Variants in OPCML observed in about 807,000 individuals in gnomAD.
OPCML encodes opioid binding protein/cell adhesion molecule like, also known as opioid-binding protein/cell adhesion molecule.
Under a neutral mutation model 37.8 loss-of-function variants are expected in OPCML, and 13 were observed. The ratio of observed to expected loss-of-function variants is 0.34; its 90% CI spans 0.22 to 0.55. The LOEUF (loss-of-function observed/expected upper bound fraction) is 0.55. OPCML is among the 20% of genes least tolerant of loss of function. The pLI is 0.91. For missense variants in OPCML, 341 were observed against 435.6 expected, an observed-to-expected ratio of 0.78 and a Z score of 1.93; for synonymous variants, 176 against 168.8, an observed-to-expected ratio of 1.04 and a Z score of -0.33.
At chr11:133,325,965 G>A (rs1159321934) in intron 1 of OPCML, among the ~76,000 whole-genome samples, 1 of 152,072 alleles carries the variant, frequency 6.6e-6, no homozygotes, top group Admixed American at 6.6e-5. Flanking sequence ...AGAACGGAAG[G>A]CCTTGCTCTT....
chr11:132,957,178 C>T (rs546782848), intron 1 of OPCML, among the ~76,000 whole-genome samples: 3 of 152,134 alleles, frequency 2.0e-5, no homozygotes, highest in African/African-American at 7.2e-5. Context: ...GGTCATGAGG[C>T]TCAAAATTTC....
intron 2 of OPCML, among the ~76,000 whole-genome samples, chr11:132,734,317 G>A (rs1276133630): frequency 6.6e-6 from 1 of 152,168 alleles, no homozygotes; most frequent in East Asian, 1.9e-4. Context: ...TGTGTCAGAT[G>A]TGATGGTATC....
chr11:132,489,557 A>G (rs918107586), intron 4 of OPCML, among the ~76,000 whole-genome samples: 6 of 152,324 alleles, frequency 3.9e-5, no homozygotes, highest in East Asian at 1.9e-4. Context: ...GGAACATATG[A>G]GTAAAGCATT....
chr11:132,842,217 C>T (rs61906886), intron 2 of OPCML, among the ~76,000 whole-genome samples: 23,533 of 152,224 alleles, frequency 0.15, 2,303 homozygotes, highest in Non-Finnish European at 0.23. Context: ...ATGTAGCCAC[C>T]TAGAGCTCCC....
chr11:133,067,018 A>G (rs1032421788), intron 1 of OPCML: 1 of 152,210 alleles, frequency 6.6e-6, no homozygotes, highest in African/African-American at 2.4e-5. Context: ...AAAGTTATCT[A>G]GAGGTAAAAC....
At chr11:133,115,128 C>G (rs1176377494) in intron 1 of OPCML, among the ~76,000 whole-genome samples, 2 of 152,186 alleles carry the variant, frequency 1.3e-5, no homozygotes, top group Non-Finnish European at 2.9e-5. Context: ...TATATCTGCA[C>G]CCACTTGTTT....
intron 1 of OPCML, among the ~76,000 whole-genome samples, chr11:133,129,892 A>G (rs1306024781): frequency 6.6e-6 from 1 of 152,202 alleles, no homozygotes; most frequent in African/African-American, 2.4e-5. Context: ...AGAATGACAA[A>G]GCAAGAACTT....
Position 132,943,346 on chromosome 11 carries a change from C to T in OPCML, c.62-336G>A. 1 of 557,304 alleles carries T rather than the reference C, an allele frequency of 1.8e-6. No homozygotes were observed. The highest frequency in any genetic ancestry group is 3.1e-6 in the Non-Finnish European group (1 of 317,664). 34.5% of individuals were successfully genotyped at this position (557,304 alleles called of 1,614,324 possible). A position where few individuals can be genotyped will look rare whatever the true frequency, so the allele number is the denominator to read the frequency against. On this transcript the variant is annotated intron_variant, in intron 1 of 7. Transcript: ENST00000524381. This position sits in a 1 kb window ranked among gnomAD's most constrained non-coding sequence, Gnocchi z 4.3. The stretch of plus-strand genomic sequence containing the variant: ...CCAAAAAGAGCTTTCTTGACGCTCC[C>T]CTGGGGAGGAGGGAGGCGGCCAGGA...
intron 2 of OPCML, among the ~76,000 whole-genome samples, chr11:132,838,907 G>C (rs537430738): frequency 6.6e-6 from 1 of 152,286 alleles, no homozygotes; most frequent in South Asian, 2.1e-4. Context: ...GCCGATATAT[G>C]CTTGTTAATT....
chr11:132,796,723 G>C (rs1215133906), intron 2 of OPCML, among the ~76,000 whole-genome samples: 2 of 151,912 alleles, frequency 1.3e-5, no homozygotes, highest in African/African-American at 2.4e-5. Context: ...GACTACAGGC[G>C]CCAGCCGCCA....
chr11:133,303,520 G>A (rs1435726816), intron 1 of OPCML, among the ~76,000 whole-genome samples: 2 of 152,138 alleles, frequency 1.3e-5, no homozygotes, highest in Non-Finnish European at 2.9e-5. Flanking sequence ...CTAAATAATA[G>A]AGCGAGAAAG....
chr11:132,924,166 G>C (rs1179739843), intron 2 of OPCML, among the ~76,000 whole-genome samples: 2 of 151,984 alleles, frequency 1.3e-5, no homozygotes, highest in East Asian at 3.9e-4. Flanking sequence ...AAGAGGGACA[G>C]AGAGAAAAGA....
intron 1 of OPCML, among the ~76,000 whole-genome samples, chr11:133,146,295 T>G (rs1194154078): frequency 6.6e-6 from 1 of 150,838 alleles, no homozygotes; most frequent in African/African-American, 2.4e-5. Flanking sequence ...CCTGCCATGC[T>G]CTATCTTCCA....
At chr11:132,742,043 T>C (rs991078814) in intron 2 of OPCML, among the ~76,000 whole-genome samples, 1 of 151,200 alleles carries the variant, frequency 6.6e-6, no homozygotes, top group Non-Finnish European at 1.5e-5. Context: ...AAAAAAAAAA[T>C]TAAAAAATAA....
intron 2 of OPCML, among the ~76,000 whole-genome samples, chr11:132,810,092 G>T (rs1453458044): frequency 6.6e-6 from 1 of 151,736 alleles, no homozygotes; most frequent in Non-Finnish European, 1.5e-5. Flanking sequence ...CTCGTGATCC[G>T]CCCGCCTCAG....
chr11:132,508,469 A>AAG (rs398115987), intron 4 of OPCML, among the ~76,000 whole-genome samples: 19,877 of 151,826 alleles, frequency 0.13, 1,540 homozygotes, highest in Non-Finnish European at 0.17. Context: ...GCCAAAAAAA[A>AAG]CATTGGACAA....
chr11:133,451,327 T>G (rs1946576432), intron 1 of OPCML, among the ~76,000 whole-genome samples: 1 of 151,438 alleles, frequency 6.6e-6, no homozygotes, highest in Non-Finnish European at 1.5e-5. Flanking sequence ...AAGAAGGAAA[T>G]GGGATGATGC....
At chr11:133,359,770 T>C (rs971684853) in intron 1 of OPCML, among the ~76,000 whole-genome samples, 41 of 152,216 alleles carry the variant, frequency 2.7e-4, no homozygotes, top group African/African-American at 8.0e-4. Context: ...ATGGAGCATA[T>C]TTAACTTATC....
At chr11:132,921,946 C>A (rs1944819969) in intron 2 of OPCML, among the ~76,000 whole-genome samples, 1 of 152,096 alleles carries the variant, frequency 6.6e-6, no homozygotes, top group Admixed American at 6.5e-5. Flanking sequence ...GTGGCATGAT[C>A]TCGGCTCACT....
Sources: allele counts gnomAD v4.1 joint callset (sites outside exome capture counted in the v4.1 genomes callset), GRCh38; gene constraint gnomAD v4.1.1; non-coding constraint Gnocchi (gnomAD v3.1); transcripts MANE v1.5; gene names NCBI Gene and HGNC (gene_info 2026-07-23, HGNC 2026-07-21).